Variants in MARCHF1 observed in about 807,000 individuals in gnomAD.
MARCHF1 encodes the protein E3 ubiquitin-protein ligase MARCHF1.
In MARCHF1, 40 loss-of-function variants were observed where a neutral mutation model predicts 54.2. The ratio of observed to expected loss-of-function variants is 0.74; its 90% CI spans 0.57 to 0.96. The LOEUF (loss-of-function observed/expected upper bound fraction) is 0.96, where lower values mean the gene tolerates loss of function less well. Among genes scored for constraint, MARCHF1 ranks in the 40% least tolerant of loss-of-function variants. MARCHF1 has a pLI of 0.00. For synonymous variants in MARCHF1, 236 were observed against 236.3 expected (o/e 1.00, Z 0.01); for missense variants, 586 against 656.5 (o/e 0.89, Z 1.17).
chr4:164,140,440 A>G (rs1172596473), intron 1 of MARCHF1, among the ~76,000 whole-genome samples: 1 of 152,142 alleles, frequency 6.6e-6, no homozygotes, highest in Non-Finnish European at 1.5e-5. Context: ...TGACCGGATC[A>G]CTGCATTTGG....
At chr4:163,923,969 G>A (rs11100528) in intron 3 of MARCHF1, among the ~76,000 whole-genome samples, 116,023 of 151,806 alleles carry the variant, frequency 0.76, 44,443 homozygotes, top group East Asian at 0.9. Flanking sequence ...ATCTACCATT[G>A]TATCATGACT....
In MARCHF1 at chr4:163,570,774, T is replaced by G. The variant is rs1579072556; in HGVS notation, c.1191+14975A>C. On this transcript the variant is annotated intron_variant, in intron 8 of 9. Coordinates refer to ENST00000514618, the MANE Select transcript of MARCHF1 (RefSeq NM_001394959.1). ...ATTTTCACTTCATTTGCAAAATAGTTTTGGCAACAATCAGCTAGAACTTAG... is the reference window on the plus strand; with the variant it reads ...ATTTTCACTTCATTTGCAAAATAGTGTTGGCAACAATCAGCTAGAACTTAG... Among the ~76,000 whole-genome samples, 5 of 152,232 alleles carry G rather than the reference T, an allele frequency of 3.3e-5. No individual in the cohort carries two copies. In the South Asian group the frequency reaches 1.0e-3, roughly 32 times the overall value.
intron 8 of MARCHF1, chr4:163,584,952 A>T (rs1382545954): frequency 6.6e-6 from 1 of 152,226 alleles, no homozygotes; most frequent in Non-Finnish European, 1.5e-5. Context: ...CAAAAAGATA[A>T]ATAAGTTACA....
At chr4:164,342,748 G>A (rs60274480) in intron 1 of MARCHF1, among the ~76,000 whole-genome samples, 15,725 of 151,702 alleles carry the variant, frequency 0.1, 1,396 homozygotes, top group East Asian at 0.29. Context: ...AAGAAAATAC[G>A]GTATGTGTAT....
chr4:163,768,500 AG>A (rs1290552852), intron 4 of MARCHF1, among the ~76,000 whole-genome samples: 9 of 152,240 alleles, frequency 5.9e-5, no homozygotes, highest in African/African-American at 2.2e-4. Flanking sequence ...AAACAAAAAA[AG>A]TTCTGTCAAA....
At chr4:164,129,587 A>G (rs1270635860) in intron 1 of MARCHF1, among the ~76,000 whole-genome samples, 1 of 152,168 alleles carries the variant, frequency 6.6e-6, no homozygotes, top group Non-Finnish European at 1.5e-5. Context: ...CAAGCTATAT[A>G]TATTATTTTT....
At chr4:163,647,240 T>C (rs1182610406) in intron 5 of MARCHF1, among the ~76,000 whole-genome samples, 1 of 152,040 alleles carries the variant, frequency 6.6e-6, no homozygotes, top group Non-Finnish European at 1.5e-5. Flanking sequence ...ATATGCACAG[T>C]ATTGAAGCAC....
At chr4:163,858,717 C>G (rs1488989831) in intron 3 of MARCHF1, among the ~76,000 whole-genome samples, 1 of 152,134 alleles carries the variant, frequency 6.6e-6, no homozygotes, top group Admixed American at 6.5e-5. Flanking sequence ...GAGTTACTCA[C>G]TATATATTGA....
At chr4:163,656,469 C>G (rs1354405699) in intron 5 of MARCHF1, among the ~76,000 whole-genome samples, 1 of 151,986 alleles carries the variant, frequency 6.6e-6, no homozygotes, top group Non-Finnish European at 1.5e-5. Flanking sequence ...CAAATTCTAC[C>G]AGAGGTACAA....
chr4:164,116,792 T>C (rs973139623), intron 1 of MARCHF1, among the ~76,000 whole-genome samples: 8 of 151,898 alleles, frequency 5.3e-5, no homozygotes, highest in African/African-American at 1.9e-4. Context: ...TGCATACCAT[T>C]TAAATTAGGA....
At chr4:164,142,956 C>T (rs143956447) in intron 1 of MARCHF1, among the ~76,000 whole-genome samples, 105 of 152,030 alleles carry the variant, frequency 6.9e-4, no homozygotes, top group Non-Finnish European at 1.2e-3. Flanking sequence ...ACTAGAATAA[C>T]CAAAACAGAG....
rs576274042 is a variant in MARCHF1 at position 164,371,677 on chromosome 4, C to T, written c.-323+12193G>A. Among the ~76,000 whole-genome samples the T allele has an allele frequency of 2.0e-5, 3 of 152,232 alleles. 1 individual carries two copies. In the South Asian group the frequency reaches 6.2e-4, roughly 31 times the overall value. The stretch of plus-strand genomic sequence containing the variant: ...CAATGAGGGAAAACAATCAATAAGA[C>T]ATTTAAACATATGCATGCAAAACCA... On this transcript the variant is annotated intron_variant, in intron 1 of 9. Transcript: ENST00000514618.
At chr4:163,552,205 G>A (rs1327035538) in intron 8 of MARCHF1, among the ~76,000 whole-genome samples, 1 of 152,168 alleles carries the variant, frequency 6.6e-6, no homozygotes, top group Non-Finnish European at 1.5e-5. Flanking sequence ...CCTGATAACA[G>A]TACAAGAAGG....
chr4:164,192,466 C>T (rs1279035198), intron 1 of MARCHF1, among the ~76,000 whole-genome samples: 1 of 152,112 alleles, frequency 6.6e-6, no homozygotes, highest in Admixed American at 6.5e-5. Context: ...CCAATACCAG[C>T]AAAGTAAAAA....
At chr4:164,250,036 T>C (rs906188787) in intron 1 of MARCHF1, among the ~76,000 whole-genome samples, 1 of 152,132 alleles carries the variant, frequency 6.6e-6, no homozygotes, top group Non-Finnish European at 1.5e-5. Flanking sequence ...GTTGAAGTTA[T>C]CTGCCCAGGA....
intron 3 of MARCHF1, among the ~76,000 whole-genome samples, chr4:163,894,265 GATTTAAGC>G (rs1385201888): frequency 2.6e-5 from 4 of 151,990 alleles, no homozygotes; most frequent in African/African-American, 9.7e-5. Context: ...ACAGCATCCT[GATTTAAGC>G]ATTTTGCACT....
rs1410814420 is a variant in MARCHF1, at chr4:164,178,343, G to A, written c.-322-66681C>T. Among the ~76,000 whole-genome samples, 3 of 152,284 alleles carry A rather than the reference G, an allele frequency of 2.0e-5. No homozygotes were observed. The East Asian group carries it at 5.8e-4, about 29-fold the overall frequency. On this transcript the variant is annotated intron_variant, in intron 1 of 9. Coordinates refer to ENST00000514618, the MANE Select transcript of MARCHF1 (RefSeq NM_001394959.1). ...TAGACAGAAAAGCCTCTGGACAGAG[G>A]TGACTCTTAAACAGAGGCCTGACTG...
intron 1 of MARCHF1, among the ~76,000 whole-genome samples, chr4:164,219,373 T>C (rs533264569): frequency 6.6e-6 from 1 of 152,286 alleles, no homozygotes; most frequent in South Asian, 2.1e-4. Flanking sequence ...AGATGTTATT[T>C]TTCATCTCAT....
At chr4:163,872,319 A>G (rs1750186437) in intron 3 of MARCHF1, among the ~76,000 whole-genome samples, 1 of 151,888 alleles carries the variant, frequency 6.6e-6, no homozygotes, top group Admixed American at 6.6e-5. Context: ...GCCAAAGAAC[A>G]CTTAATTTTT....
Sources: allele counts gnomAD v4.1 joint callset (sites outside exome capture counted in the v4.1 genomes callset), GRCh38; gene constraint gnomAD v4.1.1; transcripts MANE v1.5; gene names NCBI Gene and HGNC (gene_info 2026-07-23, HGNC 2026-07-21).